The following XKR6 variants were observed in gnomAD, a reference collection of about 807,000 sequenced individuals.
The protein encoded by XKR6 is XK related 6.
In XKR6, 22 loss-of-function variants were observed where a neutral mutation model predicts 56.7. That is an observed-to-expected ratio of 0.39 (90% CI 0.28 to 0.55). The LOEUF is 0.55. Among genes scored for constraint, XKR6 ranks in the 20% least tolerant of loss-of-function variants. The pLI, the probability that XKR6 is intolerant of heterozygous loss-of-function variation, is 0.66. For missense variants in XKR6, 852 were observed against 889.0 expected, an observed-to-expected ratio of 0.96 and a Z score of 0.53; for synonymous variants, 524 against 387.8, an observed-to-expected ratio of 1.35 and a Z score of -4.13.
chr8:11,122,388 T>C (rs917558922), intron 1 of XKR6, among the ~76,000 whole-genome samples: 5 of 152,234 alleles, frequency 3.3e-5, no homozygotes, highest in Admixed American at 6.5e-5. Context: ...TAGAATACTT[T>C]AGTTATATAG....
Position 11,074,004 on chromosome 8 carries a change from G to GA in XKR6, c.764+126571dup, listed in dbSNP as rs200480039. On this transcript the variant is annotated intron_variant, in intron 1 of 2. Coordinates refer to ENST00000416569, the MANE Select transcript of XKR6 (RefSeq NM_173683.4). The stretch of plus-strand genomic sequence containing the variant: ...TTCGGCTGGTTTGAAGAAGAGAATT[G>GA]AAAAAAGAAAAAAAAGCAGAGAGAG... 6.1e-3 allele frequency among the ~76,000 whole-genome samples: 921 copies of GA among 151,680 alleles called. 7 individuals are homozygous for GA. The highest frequency in any genetic ancestry group is 0.021 in the African/African-American group (867 of 41,408).
At chr8:11,082,525 T>C (rs1442988913) in intron 1 of XKR6, among the ~76,000 whole-genome samples, 1 of 152,236 alleles carries the variant, frequency 6.6e-6, no homozygotes, top group Admixed American at 6.5e-5. Flanking sequence ...GCGTTGTCTC[T>C]GACCGTCTTG....
At chr8:11,178,747 C>T (rs1802811667) in intron 1 of XKR6, among the ~76,000 whole-genome samples, 1 of 149,940 alleles carries the variant, frequency 6.7e-6, no homozygotes, top group African/African-American at 2.4e-5. Context: ...TCTAATTTTA[C>T]ATATGGTAGG....
chr8:11,188,846 C>G (rs535780694), intron 1 of XKR6, among the ~76,000 whole-genome samples: 7 of 152,154 alleles, frequency 4.6e-5, no homozygotes, highest in Non-Finnish European at 8.8e-5. Context: ...GGATTTCTGG[C>G]CCTGAGCTTC....
intron 1 of XKR6, among the ~76,000 whole-genome samples, chr8:11,069,374 C>T (rs764009686): frequency 4.6e-5 from 7 of 152,112 alleles, no homozygotes; most frequent in South Asian, 2.1e-4. Flanking sequence ...CCAGCTCTCC[C>T]GGTCTCCCCT....
rs924044379 is a variant in XKR6 at position 11,143,807 on chromosome 8, G to A, written c.764+56769C>T. On this transcript the variant is annotated intron_variant, in intron 1 of 2. Transcript: ENST00000416569. Reference sequence around the variant, plus strand: ...TAAGCTACTTCATTCGACTCTGAGGGCTACCATAACAAAATACTGCAGACT... The same window carrying A: ...TAAGCTACTTCATTCGACTCTGAGGACTACCATAACAAAATACTGCAGACT... Among the ~76,000 whole-genome samples the A allele has an allele frequency of 2.5e-4, 38 of 152,266 alleles. No homozygotes were observed. In the South Asian group the frequency reaches 3.7e-3, roughly 15 times the overall value.
At chr8:10,926,530 T>A (rs1800891233) in intron 1 of XKR6, among the ~76,000 whole-genome samples, 2 of 152,164 alleles carry the variant, frequency 1.3e-5, no homozygotes, top group African/African-American at 4.8e-5. Context: ...GCAATCTTAC[T>A]GACAACCAGA....
intron 1 of XKR6, among the ~76,000 whole-genome samples, chr8:11,160,911 C>CAAAAAAAAAAAAAAAAAAAAAAAAAAAAA (rs33931830): frequency 3.1e-5 from 2 of 63,778 alleles, no homozygotes; most frequent in African/African-American, 1.3e-4. Context: ...GACTCCGTCT[C>CAAAAAAAAAAAAAAAAAAAAAAAAAAAAA]AAAAAAAAAA....
chr8:10,995,462 A>G (rs1207756209), intron 1 of XKR6, among the ~76,000 whole-genome samples: 2 of 147,164 alleles, frequency 1.4e-5, no homozygotes, highest in Non-Finnish European at 3.0e-5. Context: ...TATATTATAT[A>G]TAATACATAT....
intron 1 of XKR6, among the ~76,000 whole-genome samples, chr8:11,103,528 G>T (rs901640906): frequency 4.6e-5 from 7 of 152,134 alleles, no homozygotes; most frequent in African/African-American, 1.4e-4. Flanking sequence ...CCACAAATGG[G>T]GCTTTTAAAA....
intron 1 of XKR6, among the ~76,000 whole-genome samples, chr8:10,941,770 C>G (rs981162317): frequency 6.6e-6 from 1 of 152,184 alleles, no homozygotes; most frequent in African/African-American, 2.4e-5. Flanking sequence ...TGAGACCCCC[C>G]ACCCTCGACC....
intron 1 of XKR6, among the ~76,000 whole-genome samples, chr8:11,188,573 T>C (rs1346429780): frequency 1.3e-5 from 2 of 152,196 alleles, no homozygotes; most frequent in Non-Finnish European, 2.9e-5. Context: ...AGAATTCCTT[T>C]TTGGAAGACA....
chr8:10,951,312 C>G lies in XKR6; in HGVS notation c.765-26482G>C, dbSNP rs544236157. On this transcript the variant is annotated intron_variant, in intron 1 of 2. Coordinates refer to ENST00000416569, the MANE Select transcript of XKR6 (RefSeq NM_173683.4). ...GTGTGTGTGTGTGGGGGGGGGGGGC[C>G]CCCACAGTGGTGACAGGGGAACGCA... Among the ~76,000 whole-genome samples the G allele has an allele frequency of 8.8e-3, 876 of 99,530 alleles. 11 individuals carry two copies. Among genetic ancestry groups the G allele is most frequent in the African/African-American group, 0.02 (506 of 25,736 alleles). The allele number at this position is 99,530 out of a possible 152,430, so 65.3% of individuals were successfully genotyped here.
chr8:11,061,452 G>C (rs1441808829), intron 1 of XKR6, among the ~76,000 whole-genome samples: 1 of 128,386 alleles, frequency 7.8e-6, no homozygotes, highest in Admixed American at 7.3e-5. Flanking sequence ...GGGTGACAGA[G>C]TGAGACCCTG....
intron 1 of XKR6, among the ~76,000 whole-genome samples, chr8:11,134,019 C>T (rs1185320451): frequency 6.6e-6 from 1 of 152,186 alleles, no homozygotes. Flanking sequence ...TCCCCTAATG[C>T]ATCCTTCAGG....
chr8:11,126,601 T>TCA (rs777707275), intron 1 of XKR6, among the ~76,000 whole-genome samples: 12 of 152,136 alleles, frequency 7.9e-5, no homozygotes, highest in Admixed American at 4.6e-4. Context: ...ACCTTATATC[T>TCA]CACAAGAGGC....
intron 1 of XKR6, among the ~76,000 whole-genome samples, chr8:10,977,759 A>G (rs1802609746): frequency 6.6e-6 from 1 of 151,590 alleles, no homozygotes; most frequent in Admixed American, 6.6e-5. Context: ...TAACGTGGGA[A>G]GGTTACTGGA....
At chr8:10,946,314 C>T (rs1801536475) in intron 1 of XKR6, among the ~76,000 whole-genome samples, 1 of 152,016 alleles carries the variant, frequency 6.6e-6, no homozygotes, top group Non-Finnish European at 1.5e-5. Flanking sequence ...GTGAAGTCAC[C>T]CACACTCCAC....
chr8:11,173,634 T>A (rs910300180), intron 1 of XKR6, among the ~76,000 whole-genome samples: 1 of 152,098 alleles, frequency 6.6e-6, no homozygotes, highest in African/African-American at 2.4e-5. Flanking sequence ...ATGCACAGCG[T>A]TGGGTGTCCT....
Sources: gnomAD v4.1 joint callset for allele counts (sites outside exome capture counted in the v4.1 genomes callset) on GRCh38, gnomAD v4.1.1 for gene constraint, MANE v1.5 for transcripts, NCBI Gene and HGNC (gene_info 2026-07-23, HGNC 2026-07-21) for gene names.